Variants in P3H2 observed in about 807,000 individuals in gnomAD.
P3H2 encodes the protein leprecan-like 1.
A neutral mutation model predicts 87.0 loss-of-function variants in P3H2; 80 were observed. The ratio of observed to expected loss-of-function variants is 0.92; its 90% confidence interval spans 0.77 to 1.11. The LOEUF (loss-of-function observed/expected upper bound fraction) is 1.11. Ranked by LOEUF, P3H2 falls within the 50% of genes least tolerant of loss-of-function variation. The pLI is 0.00. For synonymous variants in P3H2, 367 were observed against 359.3 expected, an observed-to-expected ratio of 1.02 and a Z score of -0.24; for missense variants, 1,001 against 923.9, an observed-to-expected ratio of 1.08 and a Z score of -1.08.
intron 1 of P3H2, among the ~76,000 whole-genome samples, chr3:190,103,941 GCCA>G (rs1560402890): frequency 6.6e-6 from 1 of 151,856 alleles, no homozygotes. Flanking sequence ...ACAGGTGCCC[GCCA>G]CCACATCTGG....
intron 7 of P3H2, among the ~76,000 whole-genome samples, chr3:189,984,130 A>G (rs1577254101): frequency 6.6e-6 from 1 of 152,134 alleles, no homozygotes; most frequent in Admixed American, 6.6e-5. Context: ...TCAGTTAGTG[A>G]CACCTAATAT....
chr3:189,968,468 C>T (rs1225939492), intron 13 of P3H2, among the ~76,000 whole-genome samples: 1 of 152,106 alleles, frequency 6.6e-6, no homozygotes, highest in Non-Finnish European at 1.5e-5. Flanking sequence ...TATATATCTG[C>T]TACATTTTCT....
intron 1 of P3H2, among the ~76,000 whole-genome samples, chr3:190,062,350 A>G (rs1726356175): frequency 6.6e-6 from 1 of 152,118 alleles, no homozygotes; most frequent in Non-Finnish European, 1.5e-5. Flanking sequence ...ATCCCCTCCC[A>G]TCACAATCCT....
intron 1 of P3H2, among the ~76,000 whole-genome samples, chr3:190,060,258 C>T (rs1726292771): frequency 6.6e-6 from 1 of 152,072 alleles, no homozygotes; most frequent in Non-Finnish European, 1.5e-5. Context: ...CAACATTTGC[C>T]ACTATTAACG....
chr3:190,094,855 C>T (rs1727520263), intron 1 of P3H2, among the ~76,000 whole-genome samples: 1 of 152,080 alleles, frequency 6.6e-6, no homozygotes, highest in South Asian at 2.1e-4. Context: ...ATGACTGGTC[C>T]AAAGTCAGGC....
intron 1 of P3H2, among the ~76,000 whole-genome samples, chr3:190,007,125 C>T (rs991584352): frequency 6.6e-6 from 1 of 152,074 alleles, no homozygotes; most frequent in African/African-American, 2.4e-5. Flanking sequence ...GAGTGTAAGA[C>T]TGGAGGCCTA....
chr3:190,012,656 A>G (rs757203984), intron 1 of P3H2, among the ~76,000 whole-genome samples: 4 of 152,150 alleles, frequency 2.6e-5, no homozygotes, highest in Non-Finnish European at 5.9e-5. Context: ...TGACTAGCTT[A>G]AACATCATTT....
intron 1 of P3H2, among the ~76,000 whole-genome samples, chr3:190,017,719 GCAAA>G (rs1363148556): frequency 6.6e-6 from 1 of 152,114 alleles, no homozygotes; most frequent in Admixed American, 6.5e-5. Context: ...TGGAGAAGGA[GCAAA>G]CACTTTGTTT....
chr3:190,084,774 C>T (rs890786473), intron 1 of P3H2, among the ~76,000 whole-genome samples: 4 of 152,094 alleles, frequency 2.6e-5, no homozygotes, highest in Non-Finnish European at 5.9e-5. Context: ...GACCTTAGTA[C>T]AACTTTTCTG....
chr3:189,971,948 C>A lies in P3H2; in HGVS notation c.1759G>T (p.Asp587Tyr). 2 of 1,613,968 alleles carry A rather than the reference C, an allele frequency of 1.2e-6. No homozygotes were observed. The highest frequency in any genetic ancestry group is 2.2e-5 in the East Asian group (1 of 44,864). The change falls in exon 12 of 15, where the codon GAT becomes TAT. Residue 587 changes from aspartate to tyrosine, a missense_variant. By Grantham distance (160) the Asp-to-Tyr change is radical. Transcript: ENST00000319332. ...TTCCAGCATTCGTTGGCCTCTGGAT[C>A]CAACAAACAGTTGTCAGCATGGATG... ...HPIHADNCLL[D>Y]PEANECWKEP...
Position 189,963,251 on chromosome 3 carries a change from T to C in P3H2, c.2034+707A>G, listed in dbSNP as rs138689842. Among the ~76,000 whole-genome samples the C allele has an allele frequency of 3.0e-3, 464 of 152,290 alleles. 1 individual carries two copies. The highest frequency in any genetic ancestry group is 0.011 in the African/African-American group (443 of 41,556). ...TCCTAGCTAAGTGTCCTCAGCTAGT[T>C]TGCATATAATAATATTGAAATACTT... is the stretch of plus-strand genomic sequence containing the variant. On this transcript the variant is annotated intron_variant, in intron 14 of 14. Coordinates refer to ENST00000319332, the MANE Select transcript of P3H2 (RefSeq NM_018192.4).
chr3:189,987,690 A>T, intron 4 of P3H2, 21 bp from the exon 5 acceptor site: 3 of 1,613,952 alleles, frequency 1.9e-6, no homozygotes, highest in Non-Finnish European at 2.5e-6. Context: ...AAGGAGTTGC[A>T]GCATTAGAGT....
intron 14 of P3H2, among the ~76,000 whole-genome samples, chr3:189,962,974 G>A (rs935344608): frequency 6.6e-6 from 1 of 152,226 alleles, no homozygotes; most frequent in African/African-American, 2.4e-5. Context: ...CTGCTACGAT[G>A]TTTTAGATTC....
In P3H2 at chr3:190,019,799, T is replaced by A. The variant is rs1343180221; in HGVS notation, c.481-24357A>T. Among the ~76,000 whole-genome samples, 65 of 55,022 alleles carry A rather than the reference T, an allele frequency of 1.2e-3. 10 individuals carry two copies. Among genetic ancestry groups the A allele is most frequent in the African/African-American group, 2.4e-3 (62 of 25,346 alleles). The allele number at this position is 55,022 out of a possible 152,430, so 36.1% of individuals were successfully genotyped here. ...AGAAATTAAAAAATATATATATATA[T>A]ATATATATATATATATACTCACAAA... On this transcript the variant is annotated intron_variant, in intron 1 of 14. Transcript: ENST00000319332.
intron 1 of P3H2, among the ~76,000 whole-genome samples, chr3:190,072,419 G>A (rs936458755): frequency 1.3e-5 from 2 of 152,098 alleles, no homozygotes; most frequent in South Asian, 2.1e-4. Context: ...AGACAATCTC[G>A]TCCACTGATG....
At chr3:189,970,682 T>G in intron 13 of P3H2, 134 bp downstream of exon 13, 2 of 657,968 alleles carry the variant, frequency 3.0e-6, no homozygotes, top group Non-Finnish European at 5.5e-6. Flanking sequence ...TCTATACATT[T>G]ACTGAAACTC....
chr3:190,085,921 C>G (rs79150433), intron 1 of P3H2, among the ~76,000 whole-genome samples: 3,104 of 152,180 alleles, frequency 0.02, 104 homozygotes, highest in African/African-American at 0.072. Flanking sequence ...TGAATTTTTA[C>G]AGTAACACAT....
chr3:189,989,932 T>C (rs2108920846), intron 3 of P3H2, among the ~76,000 whole-genome samples: 1 of 152,328 alleles, frequency 6.6e-6, no homozygotes, highest in East Asian at 1.9e-4. Context: ...CCTTGACTGA[T>C]TTTTACAATG....
In P3H2 at chr3:189,995,415, C is replaced by T. The variant is rs752277935; in HGVS notation, c.508G>A (p.Ala170Thr). ...KLNQLEKAVE[A>T]AHTFFVANPE... The stretch of plus-strand genomic sequence containing the variant: ...TTAGCCACGAAAAATGTGTGAGCTG[C>T]TTCCACTGCTTTTTCGAGCTGGTTA... Residue 170 changes from alanine to threonine, a missense_variant, in exon 2 of 15, where the codon GCA becomes ACA. Ala to Thr is a moderately conservative substitution (Grantham distance 58, BLOSUM62 0). Coordinates refer to ENST00000319332, the MANE Select transcript of P3H2 (RefSeq NM_018192.4). 5 of 1,613,798 alleles carry T rather than the reference C, an allele frequency of 3.1e-6. No homozygotes were observed. In the African/African-American group the frequency reaches 4.0e-5, roughly 13 times the overall value.
Sources: gnomAD v4.1 joint callset for allele counts (sites outside exome capture counted in the v4.1 genomes callset) on GRCh38, gnomAD v4.1.1 for gene constraint, MANE v1.5 for transcripts, NCBI Gene and HGNC (gene_info 2026-07-23, HGNC 2026-07-21) for gene names.